AGAP1: variants seen among roughly 807,000 people sequenced by gnomAD.
AGAP1 encodes the protein ArfGAP with GTPase domain, ankyrin repeat and PH domain 1, also known as arf-GAP with GTPase, ANK repeat and PH domain-containing protein 1.
A neutral mutation model predicts 105.3 loss-of-function variants in AGAP1; 29 were observed. The ratio of observed to expected loss-of-function variants is 0.28; its 90% CI spans 0.21 to 0.38. The LOEUF (loss-of-function observed/expected upper bound fraction) is 0.38. Ranked by LOEUF, AGAP1 falls within the 10% of genes least tolerant of loss-of-function variation. The probability of loss-of-function intolerance (pLI) is 1.00; values close to 1 mark genes in which losing one functional copy is unlikely to be tolerated. For synonymous variants in AGAP1, 509 were observed against 485.9 expected (o/e 1.05, Z -0.63); for missense variants, 998 against 1,165.1 (o/e 0.86, Z 2.09).
Position 236,101,560 on chromosome 2 carries a change from C to G in AGAP1, c.2115-18632C>G, listed in dbSNP as rs1183442770. The stretch of plus-strand genomic sequence containing the variant: ...AGAAGAGCCTTGGCTGTTCCTCTCC[C>G]TGGTGTTTAAAGGGCGTCGGTGCAC... On this transcript the variant is annotated intron_variant, in intron 16 of 17. Transcript: ENST00000304032. The surrounding 1 kb of genome is among the most constrained non-coding windows in gnomAD (Gnocchi z 4.9). Among the ~76,000 whole-genome samples, 1 of 152,222 alleles carries G rather than the reference C, an allele frequency of 6.6e-6. No individual in the cohort carries two copies. Among genetic ancestry groups the G allele is most frequent in the Admixed American group, 6.5e-5 (1 of 15,282 alleles).
chr2:235,749,307 G>A (rs1182738314), intron 5 of AGAP1, among the ~76,000 whole-genome samples: 4 of 151,650 alleles, frequency 2.6e-5, no homozygotes, highest in Non-Finnish European at 4.4e-5. Flanking sequence ...TCTGTTCCAC[G>A]TGCCACTGTA....
Position 235,988,515 on chromosome 2 carries a change from G to T in AGAP1, c.1645+19892G>T, listed in dbSNP as rs1467892267. 1.3e-5 allele frequency among the ~76,000 whole-genome samples: 2 copies of T among 151,982 alleles called. No individual in the cohort carries two copies. Among genetic ancestry groups the T allele is most frequent in the Non-Finnish European group, 2.9e-5 (2 of 68,018 alleles). ...CTGAACTTTAGCGTAAGTGTTCTCT[G>T]GCAGGTATGGCTGTTTTTCTGAGCA... On this transcript the variant is annotated intron_variant, in intron 13 of 17. Coordinates refer to ENST00000304032, the MANE Select transcript of AGAP1 (RefSeq NM_001037131.3). The surrounding 1 kb of genome is among the most constrained non-coding windows in gnomAD (Gnocchi z 4.7).
chr2:236,098,500 G>A (rs996448688), intron 16 of AGAP1, among the ~76,000 whole-genome samples: 1 of 151,942 alleles, frequency 6.6e-6, no homozygotes, highest in Non-Finnish European at 1.5e-5. Context: ...AACCCAGGAG[G>A]CAGAGGTCCC....
At chr2:236,030,637 A>T (rs536410307) in intron 13 of AGAP1, among the ~76,000 whole-genome samples, 2 of 152,228 alleles carry the variant, frequency 1.3e-5, no homozygotes, top group East Asian at 3.9e-4. Flanking sequence ...CACCTCGTGT[A>T]TTTGATTTGG....
At chr2:235,738,615 T>G (rs1193832558) in intron 3 of AGAP1, among the ~76,000 whole-genome samples, 1 of 151,688 alleles carries the variant, frequency 6.6e-6, no homozygotes, top group African/African-American at 2.4e-5. Context: ...TGGAGTGCAG[T>G]GGCGCAATCT....
rs989037739 is a variant in AGAP1 at position 236,042,087 on chromosome 2, A to C, written c.1891+1246A>C. Among the ~76,000 whole-genome samples, 1 of 152,212 alleles carries C rather than the reference A, an allele frequency of 6.6e-6. No homozygotes were observed. Among genetic ancestry groups the C allele is most frequent in the African/African-American group, 2.4e-5 (1 of 41,462 alleles). ...GTTCTTCATTTGTAAGCAGAGAGAC[A>C]TCATTGGAGTTTTAGAGCAGGAAGG... On this transcript the variant is annotated intron_variant, in intron 15 of 17. Transcript: ENST00000304032. This position sits in a 1 kb window ranked among gnomAD's most constrained non-coding sequence, Gnocchi z 5.6.
chr2:235,578,800 A>AAAAATTT lies in AGAP1; in HGVS notation c.163+83951_163+83952insAAAATTT, dbSNP rs367778173. ...ACTCAGTCTCAAAAAAAAAAAAAAA[A>AAAAATTT]TTTTTTTTTTACAATAAGCTATTTA... On this transcript the variant is annotated intron_variant, in intron 1 of 17. Coordinates refer to ENST00000304032, the MANE Select transcript of AGAP1 (RefSeq NM_001037131.3). The surrounding 1 kb of genome is among the most constrained non-coding windows in gnomAD (Gnocchi z 4.9). Among the ~76,000 whole-genome samples the AAAAATTT allele has an allele frequency of 7.2e-6, 1 of 139,728 alleles. No homozygotes were observed. The highest frequency in any genetic ancestry group is 2.8e-5 in the African/African-American group (1 of 36,078). 91.7% of individuals were successfully genotyped at this position (139,728 alleles called of 152,430 possible).
At chr2:235,860,753 T>C (rs1430083393) in intron 9 of AGAP1, among the ~76,000 whole-genome samples, 1 of 152,222 alleles carries the variant, frequency 6.6e-6, no homozygotes, top group African/African-American at 2.4e-5. Flanking sequence ...ATTCAGCCGT[T>C]CTTTTTTGAG....
chr2:235,676,746 C>A (rs1238969896), intron 1 of AGAP1, among the ~76,000 whole-genome samples: 1 of 152,080 alleles, frequency 6.6e-6, no homozygotes, highest in African/African-American at 2.4e-5. Context: ...AGGCTATTGT[C>A]AATTTGTTTT....
At position 235,737,952 on chromosome 2, in the gene AGAP1, A is replaced by T. The variant is rs1277234692; in HGVS notation, c.311-3011A>T. ...AGGGAGGGCTTCCACATACCCTTGT[A>T]TCTGGGGCAACCATCAGAGGGCAGG... On this transcript the variant is annotated intron_variant, in intron 3 of 17. Coordinates refer to ENST00000304032, the MANE Select transcript of AGAP1 (RefSeq NM_001037131.3). This position sits in a 1 kb window ranked among gnomAD's most constrained non-coding sequence, Gnocchi z 4.5. 6.6e-6 allele frequency among the ~76,000 whole-genome samples: 1 copy of T among 151,842 alleles called. No homozygotes were observed. Among genetic ancestry groups the T allele is most frequent in the East Asian group, 2.0e-4 (1 of 5,120 alleles).
At chr2:235,570,323 G>A (rs764478156) in intron 1 of AGAP1, among the ~76,000 whole-genome samples, 12 of 152,192 alleles carry the variant, frequency 7.9e-5, no homozygotes, top group Non-Finnish European at 1.0e-4. Context: ...GCCTAGGTAG[G>A]GGCAGGAGGT....
intron 1 of AGAP1, among the ~76,000 whole-genome samples, chr2:235,645,078 T>C (rs1203591594): frequency 1.1e-4 from 16 of 152,122 alleles, no homozygotes. Context: ...GTATTTTTAG[T>C]AGAGACAGGG....
rs149502972 is a variant in AGAP1 at position 236,020,164 on chromosome 2, C to T, written c.1646-16397C>T. ...CACCTATAAACTGGGGTGATGACAC[C>T]CACTGCACAGGGTTGTGGGGAGGAG... On this transcript the variant is annotated intron_variant, in intron 13 of 17. Transcript: ENST00000304032. This position sits in a 1 kb window ranked among gnomAD's most constrained non-coding sequence, Gnocchi z 5.0. Among the ~76,000 whole-genome samples, 1 of 152,244 alleles carries T rather than the reference C, an allele frequency of 6.6e-6. No homozygotes were observed. The highest frequency in any genetic ancestry group is 1.5e-5 in the Non-Finnish European group (1 of 68,014).
chr2:235,807,006 AGAT>A (rs1291260591), intron 8 of AGAP1, among the ~76,000 whole-genome samples: 1 of 152,350 alleles, frequency 6.6e-6, no homozygotes, highest in Middle Eastern at 3.4e-3. Context: ...AAGAATTAAA[AGAT>A]AATTCTGTGG....
intron 4 of AGAP1, among the ~76,000 whole-genome samples, chr2:235,742,545 C>G (rs980038740): frequency 1.3e-5 from 2 of 152,058 alleles, no homozygotes; most frequent in African/African-American, 4.8e-5. Flanking sequence ...GTTCAGTGAC[C>G]GTCTGGTAGT....
At chr2:235,835,776 G>A (rs1405100653) in intron 9 of AGAP1, among the ~76,000 whole-genome samples, 1 of 152,174 alleles carries the variant, frequency 6.6e-6, no homozygotes, top group Non-Finnish European at 1.5e-5. Flanking sequence ...ACTAATAAGT[G>A]TGTATCAAAG....
At chr2:235,776,892 CCT>C (rs994198584) in intron 6 of AGAP1, 124 of 470,444 alleles carry the variant, frequency 2.6e-4, no homozygotes, top group African/African-American at 1.3e-3. Flanking sequence ...TTGGCTGCAA[CCT>C]CTCTGGCTTT....
At chr2:235,498,583 C>CTTA (rs746599006) in intron 1 of AGAP1, among the ~76,000 whole-genome samples, 2 of 152,244 alleles carry the variant, frequency 1.3e-5, no homozygotes, top group Non-Finnish European at 1.5e-5. Context: ...GATGAATTAA[C>CTTA]TGCCTTTCTT....
rs1162976258 is a variant in AGAP1 at position 235,622,767 on chromosome 2, C to A, written c.164-86412C>A. Among the ~76,000 whole-genome samples, 3 of 152,042 alleles carry A rather than the reference C, an allele frequency of 2.0e-5. No individual in the cohort carries two copies. Among genetic ancestry groups the A allele is most frequent in the African/African-American group, 7.2e-5 (3 of 41,390 alleles). On this transcript the variant is annotated intron_variant, in intron 1 of 17. Coordinates refer to ENST00000304032, the MANE Select transcript of AGAP1 (RefSeq NM_001037131.3). The surrounding 1 kb of genome is among the most constrained non-coding windows in gnomAD (Gnocchi z 5.0). Reference sequence around the variant, plus strand: ...TGCCAGACTCTTCTTAGCGCTAAGCCATTTTCCCAGGCCGGGTTATGCAGT... The same window carrying A: ...TGCCAGACTCTTCTTAGCGCTAAGCAATTTTCCCAGGCCGGGTTATGCAGT...
Sources: allele counts gnomAD v4.1 joint callset (sites outside exome capture counted in the v4.1 genomes callset), GRCh38; gene constraint gnomAD v4.1.1; non-coding constraint Gnocchi (gnomAD v3.1); transcripts MANE v1.5; gene names NCBI Gene and HGNC (gene_info 2026-07-23, HGNC 2026-07-21).